Variants in C16orf89 observed in about 807,000 individuals in gnomAD.
C16orf89 encodes chromosome 16 open reading frame 89.
A neutral mutation model predicts 41.5 loss-of-function variants in C16orf89; 57 were observed. That is an observed-to-expected ratio of 1.38 (90% CI 1.11 to 1.71). The LOEUF (loss-of-function observed/expected upper bound fraction) is 1.71. Among genes scored for constraint, C16orf89 ranks in the 40% most tolerant of loss-of-function variants. The pLI, the probability that C16orf89 is intolerant of heterozygous loss-of-function variation, is 0.00. For synonymous variants in C16orf89, 223 were observed against 190.6 expected, an observed-to-expected ratio of 1.17 and a Z score of -1.40; for missense variants, 575 against 445.9, an observed-to-expected ratio of 1.29 and a Z score of -2.61.
intron 2 of C16orf89, among the ~76,000 whole-genome samples, chr16:5,061,998 C>T (rs1488778987): frequency 6.6e-6 from 1 of 152,174 alleles, no homozygotes; most frequent in African/African-American, 2.4e-5. Context: ...AGTGTGTGGA[C>T]AACTTCGGGA....
chr16:5,043,526 C>T (rs561007850), downstream of C16orf89: 2 of 152,256 alleles, frequency 1.3e-5, no homozygotes, highest in African/African-American at 4.8e-5. Flanking sequence ...ACATGATGGC[C>T]ATGTGATGCA....
In C16orf89 at chr16:5,058,490, C is replaced by T. The variant is rs1956553674; in HGVS notation, c.627+3G>A. ...GCACGGCGGGGGCTCCCTGGGCACT[C>T]ACCATTCTGGCCCAGAGGAAGAAGA... On this transcript the variant is annotated splice_donor_region_variant and intron_variant, in intron 4 of 7. Coordinates refer to ENST00000472572, the MANE Select transcript of C16orf89 (RefSeq NM_001098514.3). The T allele has an allele frequency of 6.3e-7, 1 of 1,598,802 alleles. No individual in the cohort carries two copies. The highest frequency in any genetic ancestry group is 8.6e-7 in the Non-Finnish European group (1 of 1,168,686).
At position 5,060,355 on chromosome 16, in the gene C16orf89, G is replaced by A. The variant is rs780521779; in HGVS notation, c.440C>T (p.Thr147Met). ...TGAGAATGAGTCCTGGGGCCCGAAC[G>A]TGGGGTACACCAAGGAGGCATCAGT... is the stretch of plus-strand genomic sequence containing the variant. ...IHTDASLVYPTFGPQDSFSEE... is the reference protein window; with the variant it reads ...IHTDASLVYPMFGPQDSFSEE... The change falls in exon 3 of 8, where the codon ACG (threonine) becomes ATG (methionine). Residue 147 changes from threonine (T) to methionine (M), a missense_variant. By Grantham distance (81) the Thr-to-Met change is moderately conservative. Coordinates refer to ENST00000472572, the MANE Select transcript of C16orf89 (RefSeq NM_001098514.3). 14 of 1,613,510 alleles carry A rather than the reference G, an allele frequency of 8.7e-6. No homozygotes were observed. In the East Asian group the frequency reaches 1.3e-4, roughly 15 times the overall value.
intron 6 of C16orf89, among the ~76,000 whole-genome samples, chr16:5,052,477 G>A (rs1471944053): frequency 6.6e-6 from 1 of 152,132 alleles, no homozygotes; most frequent in Non-Finnish European, 1.5e-5. Context: ...TGTAGTCTCA[G>A]CTACTCAGGA....
intron 6 of C16orf89, among the ~76,000 whole-genome samples, chr16:5,051,946 A>G (rs1293198346): frequency 6.6e-6 from 1 of 151,946 alleles, no homozygotes; most frequent in African/African-American, 2.4e-5. Flanking sequence ...CTGAAAATAC[A>G]AATATTAGCC....
chr16:5,052,481 C>T lies in C16orf89; in HGVS notation c.868+2765G>A, dbSNP rs1157595281. Among the ~76,000 whole-genome samples, 4 of 152,094 alleles carry T rather than the reference C, an allele frequency of 2.6e-5. No individual in the cohort carries two copies. In the East Asian group the frequency reaches 7.7e-4, roughly 29 times the overall value. On this transcript the variant is annotated intron_variant, in intron 6 of 7. Transcript: ENST00000472572. ...TGGCTCCCACCTGTAGTCTCAGCTA[C>T]TCAGGAAGCTGAGGCTGGAGAATCT...
intron 6 of C16orf89, among the ~76,000 whole-genome samples, chr16:5,054,965 A>G (rs1956462884): frequency 2.0e-5 from 3 of 152,158 alleles, no homozygotes; most frequent in Non-Finnish European, 1.5e-5. Context: ...GTTTGTCTTT[A>G]TCATCAGCAT....
intron 3 of C16orf89, 65 bp downstream of exon 3, chr16:5,060,221 G>A (rs1289214827): frequency 3.3e-6 from 5 of 1,523,204 alleles, no homozygotes; most frequent in Non-Finnish European, 4.4e-6. Context: ...AGGAGGAGCG[G>A]GACAGGACCA....
intron 7 of C16orf89, among the ~76,000 whole-genome samples, chr16:5,047,649 G>A (rs1042400899): frequency 4.6e-5 from 7 of 151,954 alleles, no homozygotes; most frequent in African/African-American, 7.3e-5. Flanking sequence ...TGTATTTTTA[G>A]TAGAGACAGG....
rs1306157437 is a variant in C16orf89, at chr16:5,044,468, G to A, written c.966C>T (p.Ser322=). The A allele has an allele frequency of 3.1e-6, 5 of 1,612,348 alleles. No individual in the cohort carries two copies. Among genetic ancestry groups the A allele is most frequent in the Middle Eastern group, 1.7e-4 (1 of 5,946 alleles). The part of the protein sequence containing the change: ...RREKQFPDGC[S]SHNTATAVAA... ...CCACTGCTGTGGCTGTGTTGTGGGA[G>A]GAGCAGCCATCTAGGGGAGAGAGCC... is the stretch of plus-strand genomic sequence containing the variant. The change falls in exon 8 of 8, where the codon TCC becomes TCT. Residue 322 remains serine, a synonymous_variant. Transcript: ENST00000472572.
At chr16:5,048,810 A>T (rs1252233324) in intron 6 of C16orf89, among the ~76,000 whole-genome samples, 2 of 152,162 alleles carry the variant, frequency 1.3e-5, no homozygotes, top group Non-Finnish European at 2.9e-5. Context: ...AAATCAAAGG[A>T]TATAGAAGAT....
rs746312959 is a variant in C16orf89 at position 5,055,237 on chromosome 16, G to A, written c.868+9C>T. 6.9e-6 allele frequency: 11 copies of A among 1,591,052 alleles called. No homozygotes were observed. Among genetic ancestry groups the A allele is most frequent in the Non-Finnish European group, 8.6e-6 (10 of 1,162,222 alleles). ...CCCCCTTCTTAGCCAGGGCAGCAGC[G>A]CAGCTCACCAGGCTCCCCGAAGCAT... On this transcript the variant is annotated intron_variant, in intron 6 of 7. Transcript: ENST00000472572.
chr16:5,043,068 G>A (rs1243220235), downstream of C16orf89: 1 of 152,102 alleles, frequency 6.6e-6, no homozygotes, highest in Non-Finnish European at 1.5e-5. Flanking sequence ...TAGGGGCTGG[G>A]TTTTGTTTTT....
chr16:5,065,411 G>T (rs1029434977), intron 1 of C16orf89, among the ~76,000 whole-genome samples: 1 of 152,164 alleles, frequency 6.6e-6, no homozygotes, highest in Non-Finnish European at 1.5e-5. Flanking sequence ...TGTTCGTGGC[G>T]TTGTGAGGAG....
chr16:5,061,264 G>GAAAAAA (rs60439270), intron 2 of C16orf89, among the ~76,000 whole-genome samples: 1 of 57,816 alleles, frequency 1.7e-5, no homozygotes, highest in Admixed American at 2.6e-4. Flanking sequence ...TCCATCTCAA[G>GAAAAAA]AAAAAAAAAA....
intron 4 of C16orf89, among the ~76,000 whole-genome samples, chr16:5,057,310 G>GTA (rs969007206): frequency 1.4e-5 from 2 of 140,292 alleles, no homozygotes; most frequent in African/African-American, 5.3e-5. Flanking sequence ...ATATATAGTG[G>GTA]TATATATATA....
intron 7 of C16orf89, 118 bp from the exon 8 acceptor site, chr16:5,044,596 C>T (rs1567148333): frequency 2.6e-6 from 4 of 1,519,962 alleles, no homozygotes; most frequent in Non-Finnish European, 3.5e-6. Context: ...TAATCCCACA[C>T]TTTGGGAGCC....
intron 4 of C16orf89, among the ~76,000 whole-genome samples, chr16:5,057,143 C>G (rs1043282523): frequency 6.6e-6 from 1 of 150,552 alleles, no homozygotes; most frequent in Non-Finnish European, 1.5e-5. Context: ...GAGGCTGAGG[C>G]AGAGAATTGC....
In C16orf89 at chr16:5,065,891, C is replaced by T. The variant is rs778048219; in HGVS notation, c.18G>A (p.Leu6=). 3.8e-5 allele frequency: 62 copies of T among 1,613,708 alleles called. No homozygotes were observed. The highest frequency in any genetic ancestry group is 4.9e-5 in the Non-Finnish European group (58 of 1,179,884). The change falls in exon 1 of 8, where the codon CTG becomes CTA. Residue 6 remains leucine, a synonymous_variant. Coordinates refer to ENST00000472572, the MANE Select transcript of C16orf89 (RefSeq NM_001098514.3). ...GTGCTGTCAGTAAGAGCAGGAGCAGCAGCCCCAGGCTGGCCATGGCCGGCC... is the reference window on the plus strand; with the variant it reads ...GTGCTGTCAGTAAGAGCAGGAGCAGTAGCCCCAGGCTGGCCATGGCCGGCC... MASLG[L]LLLLLLTALP...
Sources: gnomAD v4.1 joint callset for allele counts (sites outside exome capture counted in the v4.1 genomes callset) on GRCh38, gnomAD v4.1.1 for gene constraint, MANE v1.5 for transcripts, NCBI Gene and HGNC (gene_info 2026-07-23, HGNC 2026-07-21) for gene names.